WWOX: variants seen among roughly 807,000 people sequenced by gnomAD.
The protein encoded by WWOX is WW domain-containing oxidoreductase.
WWOX carries 69 observed loss-of-function variants against 46.2 expected under a neutral mutation model. The observed-to-expected ratio is 1.49, with a 90% CI of 1.23 to 1.82. WWOX has a LOEUF of 1.82. Ranked by LOEUF, WWOX falls within the 40% of genes most tolerant of loss-of-function variation. WWOX has a pLI of 0.00. For missense variants in WWOX, 919 were observed against 542.6 expected, an observed-to-expected ratio of 1.69 and a Z score of -6.89; for synonymous variants, 359 against 202.6, an observed-to-expected ratio of 1.77 and a Z score of -6.56.
At chr16:79,097,682 T>C (rs908353181) in intron 8 of WWOX, among the ~76,000 whole-genome samples, 5 of 152,292 alleles carry the variant, frequency 3.3e-5, no homozygotes, top group Middle Eastern at 3.4e-3. Flanking sequence ...CTGTGCAATT[T>C]AATTCTGTTT....
chr16:78,934,075 C>G (rs541031378), intron 8 of WWOX, among the ~76,000 whole-genome samples: 1 of 152,032 alleles, frequency 6.6e-6, no homozygotes, highest in African/African-American at 2.4e-5. Context: ...GTGGCTCATG[C>G]TGGTAATCCC....
At chr16:78,663,517 G>T (rs1192989602) in intron 8 of WWOX, among the ~76,000 whole-genome samples, 4 of 152,098 alleles carry the variant, frequency 2.6e-5, no homozygotes, top group African/African-American at 9.7e-5. Flanking sequence ...ACTTCTATAA[G>T]CGTTGCCACA....
chr16:78,306,008 T>G (rs1357101397), intron 5 of WWOX, among the ~76,000 whole-genome samples: 1 of 152,072 alleles, frequency 6.6e-6, no homozygotes, highest in Non-Finnish European at 1.5e-5. Flanking sequence ...GGCAATCCAC[T>G]TTTCTCATTG....
chr16:78,850,929 C>T (rs78240162), intron 8 of WWOX, among the ~76,000 whole-genome samples: 7,381 of 152,230 alleles, frequency 0.048, 586 homozygotes, highest in African/African-American at 0.17. Context: ...AATAAGGAAT[C>T]GGGATGGCAG....
rs77377538 is a variant in WWOX, at chr16:79,023,284, A to G, written c.1057-188324A>G. Reference sequence around the variant, plus strand: ...TTCTCCCTTTGCATTTATGCATTGCATGTCTCTGTTGAATTCAGAGTGCTT... The same window carrying G: ...TTCTCCCTTTGCATTTATGCATTGCGTGTCTCTGTTGAATTCAGAGTGCTT... On this transcript the variant is annotated intron_variant, in intron 8 of 8. Coordinates refer to ENST00000566780, the MANE Select transcript of WWOX (RefSeq NM_016373.4). 8.4e-3 allele frequency among the ~76,000 whole-genome samples: 1,287 copies of G among 152,338 alleles called. 16 individuals are homozygous for G. The highest frequency in any genetic ancestry group is 0.029 in the African/African-American group (1,212 of 41,586).
chr16:79,005,916 C>T (rs112988528), intron 8 of WWOX, among the ~76,000 whole-genome samples: 1,816 of 152,260 alleles, frequency 0.012, 40 homozygotes, highest in African/African-American at 0.042. Flanking sequence ...GAAGGCAGCC[C>T]TGGTCCCTGG....
chr16:78,878,523 C>T (rs2044277944), intron 8 of WWOX, among the ~76,000 whole-genome samples: 1 of 152,140 alleles, frequency 6.6e-6, no homozygotes, highest in Admixed American at 6.6e-5. Flanking sequence ...GGTTTAATCT[C>T]TGAAGCACAT....
intron 6 of WWOX, among the ~76,000 whole-genome samples, chr16:78,407,737 A>T (rs1255521883): frequency 6.6e-6 from 1 of 152,154 alleles, no homozygotes; most frequent in Non-Finnish European, 1.5e-5. Flanking sequence ...AAACATGGCT[A>T]TTCAACGTCC....
intron 8 of WWOX, among the ~76,000 whole-genome samples, chr16:78,876,785 A>C (rs559187647): frequency 6.6e-6 from 1 of 152,188 alleles, no homozygotes; most frequent in African/African-American, 2.4e-5. Flanking sequence ...AAAATGCCTT[A>C]AACACCTCAT....
In WWOX at chr16:78,525,837, C is replaced by T. The variant is rs2941949; in HGVS notation, c.1056+93085C>T. On this transcript the variant is annotated intron_variant, in intron 8 of 8. Transcript: ENST00000566780. The stretch of plus-strand genomic sequence containing the variant: ...TCACTAGAAGTTTCAGAAAGATGCA[C>T]ACTGCTTTAAAAAAAAAAAAAAAAA... 2.0e-5 allele frequency: 3 copies of T among 146,790 alleles called. No homozygotes were observed. The South Asian group carries it at 6.5e-4, about 32-fold the overall frequency. 9.1% of individuals were successfully genotyped at this position (146,790 alleles called of 1,614,324 possible). A position where few individuals can be genotyped will look rare whatever the true frequency, so the allele number is the denominator to read the frequency against.
At chr16:78,303,825 GT>G (rs1183242597) in intron 5 of WWOX, among the ~76,000 whole-genome samples, 4 of 152,150 alleles carry the variant, frequency 2.6e-5, no homozygotes, top group African/African-American at 9.7e-5. Flanking sequence ...GATTACAGGT[GT>G]GAGCCACCGT....
intron 5 of WWOX, among the ~76,000 whole-genome samples, chr16:78,255,280 T>C (rs2038097716): frequency 6.6e-6 from 1 of 152,208 alleles, no homozygotes; most frequent in Non-Finnish European, 1.5e-5. Context: ...TAGGTTTTCT[T>C]ACTTCCAAAA....
At chr16:78,535,103 C>G (rs2043727185) in intron 8 of WWOX, 1 of 152,426 alleles carries the variant, frequency 6.6e-6, no homozygotes, top group Non-Finnish European at 1.5e-5. Flanking sequence ...TTTTATGTCT[C>G]CTTCTCTTCC....
At chr16:79,039,108 A>C (rs1412152351) in intron 8 of WWOX, among the ~76,000 whole-genome samples, 1 of 152,168 alleles carries the variant, frequency 6.6e-6, no homozygotes, top group Admixed American at 6.5e-5. Context: ...ATTAAAAAAA[A>C]TTAAAGAAAT....
intron 8 of WWOX, among the ~76,000 whole-genome samples, chr16:79,079,553 T>G (rs1170756916): frequency 1.3e-5 from 2 of 152,204 alleles, no homozygotes; most frequent in East Asian, 1.9e-4. Flanking sequence ...CTTCCCCTAG[T>G]CACCTGGTGC....
At chr16:78,651,244 C>G (rs532006179) in intron 8 of WWOX, among the ~76,000 whole-genome samples, 2 of 152,350 alleles carry the variant, frequency 1.3e-5, no homozygotes, top group African/African-American at 4.8e-5. Context: ...CCCTGGCATG[C>G]TTAAACAAGA....
intron 5 of WWOX, among the ~76,000 whole-genome samples, chr16:78,229,239 T>G (rs1325505475): frequency 6.8e-6 from 1 of 146,298 alleles, no homozygotes; most frequent in East Asian, 2.1e-4. Context: ...TTTGCCTTTT[T>G]GAAGTATATA....
intron 5 of WWOX, among the ~76,000 whole-genome samples, chr16:78,172,445 G>C (rs901344118): frequency 6.6e-6 from 1 of 152,074 alleles, no homozygotes; most frequent in Non-Finnish European, 1.5e-5. Context: ...AAAATATTCT[G>C]AGTTTCCTGT....
At chr16:78,148,514 AT>A (rs71384366) in intron 4 of WWOX, among the ~76,000 whole-genome samples, 4,622 of 148,256 alleles carry the variant, frequency 0.031, 237 homozygotes, top group African/African-American at 0.11. Context: ...GCTCCATTAC[AT>A]TTTTTTTTTT....
Sources: gnomAD v4.1 joint callset for allele counts (sites outside exome capture counted in the v4.1 genomes callset) on GRCh38, gnomAD v4.1.1 for gene constraint, MANE v1.5 for transcripts, NCBI Gene and HGNC (gene_info 2026-07-23, HGNC 2026-07-21) for gene names.